The following PUM1 variants were observed in gnomAD, a reference collection of about 807,000 sequenced individuals.
PUM1 encodes the protein pumilio RNA binding family member 1, also known as pumilio homolog 1.
Under a neutral mutation model 131.8 loss-of-function variants are expected in PUM1, and 13 were observed. The observed-to-expected ratio is 0.10, with a 90% CI of 0.06 to 0.16. The LOEUF is 0.16. Ranked by LOEUF, PUM1 falls within the 10% of genes least tolerant of loss-of-function variation. The pLI is 1.00. For missense variants in PUM1, 961 were observed against 1,512.4 expected, an observed-to-expected ratio of 0.64 and a Z score of 6.05; for synonymous variants, 509 against 556.5, an observed-to-expected ratio of 0.91 and a Z score of 1.20.
chr1:31,053,409 G>T (rs1644159715), intron 2 of PUM1, among the ~76,000 whole-genome samples: 1 of 149,988 alleles, frequency 6.7e-6, no homozygotes, highest in East Asian at 2.0e-4. Context: ...CCTCAGTTTG[G>T]CCCAAAAATG....
intron 5 of PUM1, among the ~76,000 whole-genome samples, chr1:30,997,239 C>T (rs986860463): frequency 6.6e-6 from 1 of 152,156 alleles, no homozygotes; most frequent in Admixed American, 6.5e-5. Context: ...AAGGGCCAGG[C>T]GCAGTGGCTC....
intron 5 of PUM1, among the ~76,000 whole-genome samples, chr1:30,998,190 A>G (rs970503787): frequency 2.1e-4 from 32 of 152,362 alleles, no homozygotes; most frequent in African/African-American, 7.5e-4. Context: ...TTCTCTGAAC[A>G]TAGGTCATAT....
chr1:31,011,199 A>ACACT lies in PUM1; in HGVS notation c.433-4098_433-4097insAGTG, dbSNP rs1642605960. Among the ~76,000 whole-genome samples, 3 of 146,236 alleles carry ACACT rather than the reference A, an allele frequency of 2.1e-5. No homozygotes were observed. The South Asian group carries it at 6.6e-4, about 32-fold the overall frequency. On this transcript the variant is annotated intron_variant, in intron 3 of 21. Coordinates refer to ENST00000426105, the MANE Select transcript of PUM1 (RefSeq NM_001020658.2). ...CACACACACACACACACACACACAC[A>ACACT]CACACTGTGCTGTTTTAAGCCACTA...
At chr1:30,968,600 CTATAATGGTTTT>C in intron 10 of PUM1, 108 bp from the exon 11 acceptor site, 1 of 1,198,786 alleles carries the variant, frequency 8.3e-7, no homozygotes, top group Non-Finnish European at 1.1e-6. Context: ...AATTGTTTCC[CTATAATGGTTTT>C]TATATGTCAC....
intron 3 of PUM1, among the ~76,000 whole-genome samples, chr1:31,010,998 C>CT (rs924292509): frequency 2.0e-5 from 3 of 152,094 alleles, no homozygotes; most frequent in African/African-American, 7.2e-5. Flanking sequence ...TTACAAAAGA[C>CT]TTTTTAAAAA....
chr1:31,001,733 A>G (rs1314256146), intron 5 of PUM1, among the ~76,000 whole-genome samples: 2 of 152,176 alleles, frequency 1.3e-5, no homozygotes, highest in African/African-American at 4.8e-5. Context: ...TGCCTTTTTC[A>G]CAATGCCCTC....
At chr1:31,018,386 G>A (rs1557588454) in intron 3 of PUM1, among the ~76,000 whole-genome samples, 1 of 151,922 alleles carries the variant, frequency 6.6e-6, no homozygotes, top group Non-Finnish European at 1.5e-5. Flanking sequence ...GGCTGGCGAG[G>A]CGTGGTGGCT....
At chr1:31,036,320 C>T (rs939683735) in intron 2 of PUM1, among the ~76,000 whole-genome samples, 11 of 152,094 alleles carry the variant, frequency 7.2e-5, no homozygotes, top group South Asian at 4.1e-4. Context: ...CCGCCTGCCT[C>T]GGCCTCCCAA....
intron 17 of PUM1, 125 bp from the exon 18 acceptor site, chr1:30,945,608 C>G: frequency 9.9e-7 from 1 of 1,011,822 alleles, no homozygotes; most frequent in South Asian, 1.6e-5. Context: ...AGTGGAATAG[C>G]AGCTGTGGAA....
chr1:31,032,405 T>C (rs972267291), intron 2 of PUM1, among the ~76,000 whole-genome samples: 10 of 152,214 alleles, frequency 6.6e-5, no homozygotes, highest in African/African-American at 2.4e-4. Context: ...CTGTCAATTA[T>C]AATCAGAGTA....
intron 3 of PUM1, among the ~76,000 whole-genome samples, chr1:31,021,912 G>A (rs1643041442): frequency 6.6e-6 from 1 of 151,736 alleles, no homozygotes; most frequent in Admixed American, 6.6e-5. Context: ...GAGGCTTAAT[G>A]ATTACATTAA....
rs773718125 is a variant in PUM1 at position 31,049,823 on chromosome 1, C to CTTT, written c.363+9378_363+9380dup. Among the ~76,000 whole-genome samples, 682 of 79,990 alleles carry CTTT rather than the reference C, an allele frequency of 8.5e-3. 13 individuals are homozygous for CTTT. Among genetic ancestry groups the CTTT allele is most frequent in the Middle Eastern group, 0.011 (1 of 88 alleles). 52.5% of individuals were successfully genotyped at this position (79,990 alleles called of 152,430 possible). A position where few individuals can be genotyped will look rare whatever the true frequency, so the allele number is the denominator to read the frequency against. On this transcript the variant is annotated intron_variant, in intron 2 of 21. Coordinates refer to ENST00000426105, the MANE Select transcript of PUM1 (RefSeq NM_001020658.2). ...AGAGAAGAGCATCTGACTGAACTTC[C>CTTT]TTTTTTTTTTTTTTTTTTTTTTTTG...
chr1:30,945,867 C>A (rs943867740), intron 17 of PUM1, among the ~76,000 whole-genome samples: 1 of 152,148 alleles, frequency 6.6e-6, no homozygotes, highest in Non-Finnish European at 1.5e-5. Flanking sequence ...CTCACTGCAA[C>A]CTCCGCCTCC....
intron 3 of PUM1, among the ~76,000 whole-genome samples, chr1:31,019,548 T>C (rs781732910): frequency 6.6e-6 from 1 of 152,236 alleles, no homozygotes; most frequent in Non-Finnish European, 1.5e-5. Context: ...ATTCATACTT[T>C]CATAAAGCAA....
intron 16 of PUM1, 113 bp downstream of exon 16, chr1:30,952,121 A>T (rs1475089461): frequency 9.9e-7 from 1 of 1,013,520 alleles, no homozygotes; most frequent in Non-Finnish European, 1.5e-6. Context: ...AAAAGACCAC[A>T]CACCCTTCAT....
intron 17 of PUM1, among the ~76,000 whole-genome samples, chr1:30,947,112 G>A (rs1001218282): frequency 3.3e-5 from 5 of 152,162 alleles, no homozygotes; most frequent in African/African-American, 4.8e-5. Context: ...GAGACACCAA[G>A]GAAGAGGCAA....
At chr1:30,935,328 T>C (rs535324756) in intron 21 of PUM1, among the ~76,000 whole-genome samples, 1 of 152,320 alleles carries the variant, frequency 6.6e-6, no homozygotes, top group South Asian at 2.1e-4. Context: ...ATCACTCCGT[T>C]AGAGAGCCTC....
intron 15 of PUM1, among the ~76,000 whole-genome samples, chr1:30,953,017 CA>C (rs1215579149): frequency 6.6e-6 from 1 of 151,784 alleles, no homozygotes; most frequent in Non-Finnish European, 1.5e-5. Context: ...AAAACAAAAA[CA>C]AAACAGTATT....
Position 30,966,399 on chromosome 1 carries a change from C to T in PUM1, c.1790-121G>A, listed in dbSNP as rs74065552. ...CCTATCTTTTCAAAACAGACACAAA[C>T]CATACAAATCTGTCTTTGATCCCTT... On this transcript the variant is annotated intron_variant, in intron 12 of 21. Coordinates refer to ENST00000426105, the MANE Select transcript of PUM1 (RefSeq NM_001020658.2). 3,857 of 973,910 alleles carry T rather than the reference C, an allele frequency of 4.0e-3. 95 individuals are homozygous for T. In the African/African-American group the frequency reaches 0.055, roughly 14 times the overall value. The allele number at this position is 973,910 out of a possible 1,614,324, so 60.3% of individuals were successfully genotyped here. A position where few individuals can be genotyped will look rare whatever the true frequency, so the allele number is the denominator to read the frequency against.
Sources: allele counts gnomAD v4.1 joint callset (sites outside exome capture counted in the v4.1 genomes callset), GRCh38; gene constraint gnomAD v4.1.1; transcripts MANE v1.5; gene names NCBI Gene and HGNC (gene_info 2026-07-23, HGNC 2026-07-21).